Variants in HIBCH observed in about 807,000 individuals in gnomAD.
HIBCH encodes 3-hydroxyisobutyryl-CoA hydrolase, mitochondrial.
In HIBCH, 50 loss-of-function variants were observed where a neutral mutation model predicts 58.2. That is an observed-to-expected ratio of 0.86 (90% confidence interval 0.68 to 1.09). HIBCH has a LOEUF of 1.09. HIBCH is among the 50% of genes least tolerant of loss of function. The pLI, the probability that HIBCH is intolerant of heterozygous loss-of-function variation, is 0.00. For synonymous variants in HIBCH, 151 were observed against 146.9 expected, an observed-to-expected ratio of 1.03 and a Z score of -0.20; for missense variants, 450 against 449.7, an observed-to-expected ratio of 1.00 and a Z score of -0.01.
intron 2 of HIBCH, 32 bp from the exon 3 acceptor site, chr2:190,296,985 A>G: frequency 6.2e-7 from 1 of 1,610,148 alleles, no homozygotes; most frequent in Non-Finnish European, 8.5e-7. Flanking sequence ...TTATGACAAA[A>G]TTTCTTAAGT....
In HIBCH at chr2:190,205,100, C is replaced by CTAA; in HGVS notation, c.*16_*17insTTA. 2.1e-6 allele frequency: 3 copies of CTAA among 1,432,792 alleles called. No individual in the cohort carries two copies. The highest frequency in any genetic ancestry group is 2.9e-6 in the Non-Finnish European group (3 of 1,018,222). The allele number at this position is 1,432,792 out of a possible 1,614,324, so 88.8% of individuals were successfully genotyped here. A position where few individuals can be genotyped will look rare whatever the true frequency, so the allele number is the denominator to read the frequency against. On this transcript the variant is annotated 3_prime_UTR_variant, in exon 14 of 14. Coordinates refer to ENST00000359678, the MANE Select transcript of HIBCH (RefSeq NM_014362.4). ...TGCCAACCCATGCTACAAAATATAC[C>CTAA]TTAAAAGCCTGTCACCTCAAAATTT... is the stretch of plus-strand genomic sequence containing the variant.
intron 6 of HIBCH, among the ~76,000 whole-genome samples, chr2:190,266,551 G>A (rs1049566460): frequency 6.6e-6 from 1 of 150,824 alleles, no homozygotes; most frequent in African/African-American, 2.4e-5. Flanking sequence ...CTCCTGCCTC[G>A]GCCTCCGGAG....
intron 4 of HIBCH, among the ~76,000 whole-genome samples, chr2:190,291,819 C>CTA (rs1344560486): frequency 6.6e-6 from 1 of 152,222 alleles, no homozygotes; most frequent in Non-Finnish European, 1.5e-5. Flanking sequence ...GTTTCCTCTT[C>CTA]TATATACTGC....
At chr2:190,272,458 T>G (rs1003608888) in intron 6 of HIBCH, among the ~76,000 whole-genome samples, 4 of 152,188 alleles carry the variant, frequency 2.6e-5, no homozygotes, top group African/African-American at 9.7e-5. Context: ...TGAAATACTT[T>G]CACGCCTCAA....
In HIBCH at chr2:190,204,330, T is replaced by G. The variant is rs2105894206; in HGVS notation, c.*787A>C. On this transcript the variant is annotated 3_prime_UTR_variant, in exon 14 of 14. Transcript: ENST00000359678. ...AACAGAGTGTCTCTATCTAAGAGAT[T>G]GGAGTTTCCTAATTTCTCATTCTAC... The G allele has an allele frequency of 6.6e-6, 1 of 152,230 alleles. No individual in the cohort carries two copies. The highest frequency in any genetic ancestry group is 1.9e-4 in the East Asian group (1 of 5,190). The allele number at this position is 152,230 out of a possible 1,614,324, so 9.4% of individuals were successfully genotyped here. A position where few individuals can be genotyped will look rare whatever the true frequency, so the allele number is the denominator to read the frequency against.
At chr2:190,252,531 G>C (rs1686805419) in intron 7 of HIBCH, among the ~76,000 whole-genome samples, 1 of 152,080 alleles carries the variant, frequency 6.6e-6, no homozygotes, top group Non-Finnish European at 1.5e-5. Flanking sequence ...CATTTCTATA[G>C]AAGTCAGTAA....
chr2:190,315,321 G>T lies in HIBCH; in HGVS notation c.35+4395C>A, dbSNP rs903535705. On this transcript the variant is annotated intron_variant, in intron 1 of 13. Transcript: ENST00000359678. The surrounding 1 kb of genome is among the most constrained non-coding windows in gnomAD (Gnocchi z 5.4). ...CAACTGATGTCAACTTGGCTTTTTA[G>T]AACAGTTATTCTCAAAGTATGGTTC... Among the ~76,000 whole-genome samples the T allele has an allele frequency of 1.3e-5, 2 of 152,056 alleles. No homozygotes were observed. Among genetic ancestry groups the T allele is most frequent in the Non-Finnish European group, 2.9e-5 (2 of 68,032 alleles).
chr2:190,244,802 T>C, intron 11 of HIBCH, 85 bp downstream of exon 11: 1 of 864,932 alleles, frequency 1.2e-6, no homozygotes, highest in African/African-American at 1.6e-5. Context: ...TCACCACCAA[T>C]GGAGCACTAA....
chr2:190,259,314 T>A (rs1345712460), intron 7 of HIBCH, among the ~76,000 whole-genome samples: 1 of 147,656 alleles, frequency 6.8e-6, no homozygotes, highest in East Asian at 2.0e-4. Flanking sequence ...GTTTTCAGTA[T>A]ACAGATGTGT....
At chr2:190,194,792 C>T (rs1346820507) in intron 1 of HIBCH, among the ~76,000 whole-genome samples, 1 of 151,878 alleles carries the variant, frequency 6.6e-6, no homozygotes, top group Non-Finnish European at 1.5e-5. Context: ...ACAGCATGTA[C>T]CCCTTTCAGA....
Position 190,252,036 on chromosome 2 carries a change from T to A in HIBCH, c.663+126A>T. 6.0e-6 allele frequency: 5 copies of A among 836,110 alleles called. No individual in the cohort carries two copies. In the East Asian group the frequency reaches 1.0e-4, roughly 17 times the overall value. 51.8% of individuals were successfully genotyped at this position (836,110 alleles called of 1,614,324 possible). On this transcript the variant is annotated intron_variant, in intron 8 of 13. Transcript: ENST00000359678. ...CCAAGGTAACACAGCTATAAACTAA[T>A]AGGTCCAGGATTCACACCACGATTT...
rs771336538 is a variant in HIBCH, at chr2:190,296,967, G to A, written c.79-14C>T. ...CTTGGACATTCTCTGTATAAACAAA[G>A]AATAACTTTATGACAAAATTTCTTA... On this transcript the variant is annotated splice_polypyrimidine_tract_variant and intron_variant, in intron 2 of 13. Coordinates refer to ENST00000359678, the MANE Select transcript of HIBCH (RefSeq NM_014362.4). 6 of 1,613,282 alleles carry A rather than the reference G, an allele frequency of 3.7e-6. No individual in the cohort carries two copies. Among genetic ancestry groups the A allele is most frequent in the Non-Finnish European group, 5.1e-6 (6 of 1,179,518 alleles).
downstream of HIBCH, chr2:190,200,069 T>G (rs1266125996): frequency 1.2e-6 from 2 of 1,614,068 alleles, no homozygotes. Flanking sequence ...CAGGATATCT[T>G]GTGTGATGCC....
intron 4 of HIBCH, among the ~76,000 whole-genome samples, chr2:190,293,767 G>A (rs1261672803): frequency 6.6e-6 from 1 of 151,252 alleles, no homozygotes; most frequent in Non-Finnish European, 1.5e-5. Context: ...AAATCCACAA[G>A]AAACAAGATA....
intron 9 of HIBCH, among the ~76,000 whole-genome samples, chr2:190,247,919 TACA>T (rs1686655046): frequency 6.6e-6 from 1 of 152,234 alleles, no homozygotes; most frequent in South Asian, 2.1e-4. Flanking sequence ...CTTAATAGAC[TACA>T]GTATAGTGTA....
intron 5 of HIBCH, among the ~76,000 whole-genome samples, chr2:190,288,606 A>C (rs1337331697): frequency 6.6e-6 from 1 of 151,912 alleles, no homozygotes; most frequent in Non-Finnish European, 1.5e-5. Flanking sequence ...GAAGAGTTAC[A>C]TTCCATGTTG....
intron 2 of HIBCH, among the ~76,000 whole-genome samples, chr2:190,301,690 C>T (rs1164904849): frequency 6.6e-6 from 1 of 152,278 alleles, no homozygotes; most frequent in Admixed American, 6.5e-5. Flanking sequence ...TTATAAAGAA[C>T]AGAAATTTAT....
At chr2:190,213,135 A>G (rs903777611) in intron 11 of HIBCH, 60 bp from the exon 12 acceptor site, 4 of 1,290,014 alleles carry the variant, frequency 3.1e-6, no homozygotes, top group Non-Finnish European at 4.5e-6. Context: ...TCTATAATAA[A>G]TGGGCAGAGT....
downstream of HIBCH, chr2:190,200,015 C>T: frequency 6.2e-7 from 1 of 1,614,054 alleles, no homozygotes; most frequent in South Asian, 1.1e-5. Context: ...AAGGAACCTC[C>T]AGGGACCAAT....
Sources: allele counts gnomAD v4.1 joint callset (sites outside exome capture counted in the v4.1 genomes callset), GRCh38; gene constraint gnomAD v4.1.1; non-coding constraint Gnocchi (gnomAD v3.1); transcripts MANE v1.5; gene names NCBI Gene and HGNC (gene_info 2026-07-23, HGNC 2026-07-21).